Variants in MGAT4C observed in about 807,000 individuals in gnomAD.
MGAT4C encodes the protein alpha-1,3-mannosyl-glycoprotein 4-beta-N-acetylglucosaminyltransferase C.
Under a neutral mutation model 40.1 loss-of-function variants are expected in MGAT4C, and 19 were observed. The observed-to-expected ratio is 0.47, with a 90% CI of 0.33 to 0.70. The LOEUF (loss-of-function observed/expected upper bound fraction) is 0.70, where lower values mean the gene tolerates loss of function less well. Among genes scored for constraint, MGAT4C ranks in the 30% least tolerant of loss-of-function variants. MGAT4C has a pLI of 0.02. For missense variants in MGAT4C, 491 were observed against 563.2 expected (o/e 0.87, Z 1.30); for synonymous variants, 181 against 187.1 (o/e 0.97, Z 0.27).
chr12:86,336,848 T>G (rs569421762), intron 3 of MGAT4C, among the ~76,000 whole-genome samples: 1 of 152,300 alleles, frequency 6.6e-6, no homozygotes, highest in East Asian at 1.9e-4. Flanking sequence ...AATATTTGTA[T>G]GCGAGTTCAC....
At chr12:85,991,319 A>C (rs568136392) in intron 2 of MGAT4C, among the ~76,000 whole-genome samples, 1 of 152,120 alleles carries the variant, frequency 6.6e-6, no homozygotes, top group Non-Finnish European at 1.5e-5. Context: ...GAGAGGAGGA[A>C]GCGCATGCCA....
intron 2 of MGAT4C, among the ~76,000 whole-genome samples, chr12:86,585,419 T>A (rs1176291994): frequency 1.3e-5 from 2 of 151,458 alleles, no homozygotes; most frequent in Non-Finnish European, 3.0e-5. Flanking sequence ...AAATGTAAAA[T>A]GATCAAAATG....
At position 86,437,029 on chromosome 12, in the gene MGAT4C, G is replaced by A. The variant is rs565949299; in HGVS notation, c.-228-1764C>T. Among the ~76,000 whole-genome samples, 6 of 151,596 alleles carry A rather than the reference G, an allele frequency of 4.0e-5. No individual in the cohort carries two copies. In the East Asian group the frequency reaches 1.2e-3, roughly 29 times the overall value. On this transcript the variant is annotated intron_variant, in intron 2 of 7. Coordinates refer to the MGAT4C transcript ENST00000548651. ...TTCGATGTAGAAATGAAAATAATTAGCCCAAGATATAAATTTGTTTGGAAA... is the reference window on the plus strand; with the variant it reads ...TTCGATGTAGAAATGAAAATAATTAACCCAAGATATAAATTTGTTTGGAAA...
intron 1 of MGAT4C, among the ~76,000 whole-genome samples, chr12:86,186,726 CT>C (rs1888797711): frequency 6.6e-6 from 1 of 152,106 alleles, no homozygotes; most frequent in African/African-American, 2.4e-5. Flanking sequence ...AACAACTTGA[CT>C]GCACAATCTG....
intron 1 of MGAT4C, among the ~76,000 whole-genome samples, chr12:86,225,653 C>T (rs1275140154): frequency 1.3e-5 from 2 of 152,014 alleles, no homozygotes; most frequent in African/African-American, 4.8e-5. Context: ...GAAAACCAAT[C>T]GATGTGATAC....
intron 2 of MGAT4C, among the ~76,000 whole-genome samples, chr12:86,657,532 C>T (rs1276971783): frequency 2.0e-5 from 3 of 151,512 alleles, no homozygotes; most frequent in Non-Finnish European, 4.4e-5. Flanking sequence ...ATAAGAAAAC[C>T]GGATAACTAT....
intron 1 of MGAT4C, among the ~76,000 whole-genome samples, chr12:86,234,877 G>T (rs978130572): frequency 6.6e-6 from 1 of 151,812 alleles, no homozygotes; most frequent in African/African-American, 2.4e-5. Context: ...ACATGAACTG[G>T]TACTTCATCT....
chr12:86,638,721 A>C (rs1336153415), intron 2 of MGAT4C, among the ~76,000 whole-genome samples: 3 of 151,820 alleles, frequency 2.0e-5, no homozygotes, highest in Non-Finnish European at 2.9e-5. Flanking sequence ...ATAGAAGCCA[A>C]AGGTGAGCAT....
At chr12:86,319,607 A>G (rs1954329151) in intron 4 of MGAT4C, among the ~76,000 whole-genome samples, 1 of 152,152 alleles carries the variant, frequency 6.6e-6, no homozygotes, top group African/African-American at 2.4e-5. Context: ...CTCTTCTTCC[A>G]TTAAAAAGCA....
chr12:86,076,854 C>A (rs1322524054), intron 1 of MGAT4C, among the ~76,000 whole-genome samples: 3 of 151,992 alleles, frequency 2.0e-5, no homozygotes, highest in Non-Finnish European at 4.4e-5. Flanking sequence ...CATATCATCA[C>A]ACAATAAGCC....
chr12:86,299,947 A>G (rs1293438329), intron 4 of MGAT4C, among the ~76,000 whole-genome samples: 3 of 152,344 alleles, frequency 2.0e-5, no homozygotes, highest in South Asian at 2.1e-4. Flanking sequence ...TCAATATTTA[A>G]TAAACTTTGC....
chr12:86,697,264 T>C (rs1403123186), intron 2 of MGAT4C, among the ~76,000 whole-genome samples: 2 of 152,128 alleles, frequency 1.3e-5, no homozygotes. Flanking sequence ...TGTAGTCTCA[T>C]AAACTCACAC....
At chr12:86,460,862 G>T (rs1957587998) in intron 2 of MGAT4C, among the ~76,000 whole-genome samples, 1 of 151,956 alleles carries the variant, frequency 6.6e-6, no homozygotes, top group Non-Finnish European at 1.5e-5. Flanking sequence ...AGTAAACAAG[G>T]TTATGACAGA....
At chr12:86,539,268 T>G (rs1263103166) in intron 2 of MGAT4C, among the ~76,000 whole-genome samples, 1 of 150,084 alleles carries the variant, frequency 6.7e-6, no homozygotes, top group Non-Finnish European at 1.5e-5. Context: ...AATGAGAACA[T>G]GCAGTGTTTG....
intron 1 of MGAT4C, among the ~76,000 whole-genome samples, chr12:86,815,948 G>T (rs1193851044): frequency 1.3e-5 from 2 of 151,730 alleles, no homozygotes; most frequent in Non-Finnish European, 2.9e-5. Flanking sequence ...CACCACTAAA[G>T]AACTTACTCT....
chr12:86,766,449 G>C (rs1219306030), intron 1 of MGAT4C, among the ~76,000 whole-genome samples: 3 of 152,012 alleles, frequency 2.0e-5, no homozygotes, highest in African/African-American at 4.8e-5. Flanking sequence ...GTCAACATTA[G>C]AAAGATCAAC....
At chr12:86,152,899 CG>C (rs112864882) in intron 1 of MGAT4C, among the ~76,000 whole-genome samples, 29 of 151,552 alleles carry the variant, frequency 1.9e-4, no homozygotes, top group African/African-American at 6.5e-4. Context: ...TCCTCTCTTG[CG>C]TTTTTTTTCC....
intron 1 of MGAT4C, among the ~76,000 whole-genome samples, chr12:86,219,929 T>C (rs1950818163): frequency 6.6e-6 from 1 of 152,126 alleles, no homozygotes; most frequent in Admixed American, 6.6e-5. Flanking sequence ...TTTTGCAAGA[T>C]AAAATAAGCC....
intron 2 of MGAT4C, among the ~76,000 whole-genome samples, chr12:86,574,777 C>T (rs1375090557): frequency 6.6e-6 from 1 of 151,366 alleles, no homozygotes; most frequent in Non-Finnish European, 1.5e-5. Flanking sequence ...TATTTGAATC[C>T]CTACTATAAT....
Sources: allele counts gnomAD v4.1 joint callset (sites outside exome capture counted in the v4.1 genomes callset), GRCh38; gene constraint gnomAD v4.1.1; transcripts MANE v1.5; gene names NCBI Gene and HGNC (gene_info 2026-07-23, HGNC 2026-07-21).